Variants in TBL1XR1 observed in about 807,000 individuals in gnomAD.
TBL1XR1 encodes F-box-like/WD repeat-containing protein TBL1XR1.
In TBL1XR1, 5 loss-of-function variants were observed where a neutral mutation model predicts 66.9. The ratio of observed to expected loss-of-function variants is 0.07; its 90% CI spans 0.04 to 0.16. The LOEUF (loss-of-function observed/expected upper bound fraction) is 0.16, where lower values mean the gene tolerates loss of function less well. Ranked by LOEUF, TBL1XR1 falls within the 10% of genes least tolerant of loss-of-function variation. The pLI is 1.00. For missense variants in TBL1XR1, 238 were observed against 623.2 expected, an observed-to-expected ratio of 0.38 and a Z score of 6.58; for synonymous variants, 210 against 206.0, an observed-to-expected ratio of 1.02 and a Z score of -0.17.
Position 177,051,486 on chromosome 3 carries a change from ATTC to A in TBL1XR1, c.427+15_427+17del, listed in dbSNP as rs779373214. The A allele has an allele frequency of 4.5e-6, 7 of 1,560,722 alleles. No homozygotes were observed. The highest frequency in any genetic ancestry group is 4.3e-5 in the Admixed American group (2 of 46,040). ...AAATAAACCATGTAATTAAAAAAAA[ATTC>A]TTGTCTGAGCTCACTTGCTATAGTA... On this transcript the variant is annotated intron_variant, in intron 5 of 15. Coordinates refer to ENST00000457928, the MANE Select transcript of TBL1XR1 (RefSeq NM_024665.7).
At chr3:177,088,979 G>A (rs1324242656) in intron 2 of TBL1XR1, among the ~76,000 whole-genome samples, 1 of 152,156 alleles carries the variant, frequency 6.6e-6, no homozygotes, top group Non-Finnish European at 1.5e-5. Flanking sequence ...ACATTTATAA[G>A]TAGGTAATAA....
chr3:177,102,267 G>A (rs1401152601), intron 1 of TBL1XR1, among the ~76,000 whole-genome samples: 1 of 152,158 alleles, frequency 6.6e-6, no homozygotes, highest in East Asian at 1.9e-4. Flanking sequence ...AATAGTTGAT[G>A]ACATGGTTAA....
At chr3:177,053,390 T>C (rs1458633071) in intron 4 of TBL1XR1, among the ~76,000 whole-genome samples, 3 of 152,192 alleles carry the variant, frequency 2.0e-5, no homozygotes, top group South Asian at 2.1e-4. Context: ...AGTCCTTAGA[T>C]AGGCAGTACC....
At chr3:177,175,519 T>G (rs1181788483) in intron 1 of TBL1XR1, among the ~76,000 whole-genome samples, 2 of 152,184 alleles carry the variant, frequency 1.3e-5, no homozygotes, top group Non-Finnish European at 2.9e-5. Flanking sequence ...GAAAAACCAG[T>G]GCAGGCAGAG....
chr3:177,180,629 A>C (rs1218763511), intron 1 of TBL1XR1, among the ~76,000 whole-genome samples: 2 of 152,162 alleles, frequency 1.3e-5, no homozygotes, highest in Non-Finnish European at 2.9e-5. Context: ...TCAAAAACAA[A>C]TGCGTCATCC....
At chr3:177,136,483 T>G (rs1326795384) in intron 1 of TBL1XR1, among the ~76,000 whole-genome samples, 1 of 152,174 alleles carries the variant, frequency 6.6e-6, no homozygotes, top group Non-Finnish European at 1.5e-5. Context: ...TTTCACCACG[T>G]TGGCCAGACT....
chr3:177,156,429 G>A (rs1731511532), intron 1 of TBL1XR1, among the ~76,000 whole-genome samples: 1 of 151,162 alleles, frequency 6.6e-6, no homozygotes, highest in Non-Finnish European at 1.5e-5. Context: ...AACCCAGGAG[G>A]CAGAGGTTGC....
intron 1 of TBL1XR1, among the ~76,000 whole-genome samples, chr3:177,191,771 G>A (rs776731963): frequency 2.0e-5 from 3 of 152,184 alleles, no homozygotes; most frequent in Non-Finnish European, 4.4e-5. Context: ...GCAGACCCTA[G>A]GTTCTGCTGG....
At chr3:177,063,357 A>C (rs991897718) in intron 3 of TBL1XR1, among the ~76,000 whole-genome samples, 2 of 152,242 alleles carry the variant, frequency 1.3e-5, no homozygotes, top group African/African-American at 4.8e-5. Flanking sequence ...CAGTAATTTT[A>C]TATGGCTCAA....
At chr3:177,032,777 A>T (rs1300925016) in intron 14 of TBL1XR1, 194 bp downstream of exon 14, 6 of 428,626 alleles carry the variant, frequency 1.4e-5, no homozygotes, top group Non-Finnish European at 2.4e-5. Flanking sequence ...ATAATAAAAC[A>T]AATGATCAAA....
At chr3:177,188,876 C>CA in intron 1 of TBL1XR1, among the ~76,000 whole-genome samples, 1 of 152,284 alleles carries the variant, frequency 6.6e-6, no homozygotes, top group Middle Eastern at 3.4e-3. Context: ...TTGTTTGATT[C>CA]AAAATCATGC....
chr3:177,138,187 C>T (rs1219791576), intron 1 of TBL1XR1, among the ~76,000 whole-genome samples: 1 of 152,174 alleles, frequency 6.6e-6, no homozygotes, highest in African/African-American at 2.4e-5. Context: ...TTCATCAGGG[C>T]ACTGCATTAC....
intron 1 of TBL1XR1, among the ~76,000 whole-genome samples, chr3:177,116,589 T>C (rs1053422823): frequency 6.6e-6 from 1 of 152,166 alleles, no homozygotes. Flanking sequence ...AGATGCCTTA[T>C]CCAGCTTTGT....
At chr3:177,150,590 G>A (rs1445985838) in intron 1 of TBL1XR1, among the ~76,000 whole-genome samples, 1 of 152,148 alleles carries the variant, frequency 6.6e-6, no homozygotes, top group African/African-American at 2.4e-5. Context: ...TTCAGGTACT[G>A]TTTTTCCATG....
chr3:177,150,401 T>A (rs1403556957), intron 1 of TBL1XR1, among the ~76,000 whole-genome samples: 1 of 152,176 alleles, frequency 6.6e-6, no homozygotes, highest in African/African-American at 2.4e-5. Context: ...GCAGCTACTA[T>A]GAAATGCTCC....
chr3:177,189,470 T>C (rs1362549010), intron 1 of TBL1XR1, among the ~76,000 whole-genome samples: 1 of 151,600 alleles, frequency 6.6e-6, no homozygotes, highest in Non-Finnish European at 1.5e-5. Context: ...CTAGCCAACA[T>C]GGTGAAACCC....
At chr3:177,119,357 C>A (rs1389723384) in intron 1 of TBL1XR1, among the ~76,000 whole-genome samples, 1 of 152,144 alleles carries the variant, frequency 6.6e-6, no homozygotes, top group Non-Finnish European at 1.5e-5. Flanking sequence ...ATCCTGGAAC[C>A]TTTTCCACAA....
intron 1 of TBL1XR1, among the ~76,000 whole-genome samples, chr3:177,125,120 G>C (rs1727454729): frequency 1.3e-5 from 2 of 151,738 alleles, no homozygotes; most frequent in African/African-American, 4.8e-5. Context: ...ACAACATCAA[G>C]AAAGTGAAAA....
At position 177,021,511 on chromosome 3, in the gene TBL1XR1, G is replaced by C. The variant is rs539711185; in HGVS notation, c.*3987C>G. The C allele has an allele frequency of 1.3e-5, 2 of 152,580 alleles. No homozygotes were observed. Among genetic ancestry groups the C allele is most frequent in the East Asian group, 3.9e-4 (2 of 5,190 alleles). The allele number at this position is 152,580 out of a possible 1,614,324, so 9.5% of individuals were successfully genotyped here. A position where few individuals can be genotyped will look rare whatever the true frequency, so the allele number is the denominator to read the frequency against. The stretch of plus-strand genomic sequence containing the variant: ...TTCTAAATCAGTGTATTAAAAAAGT[G>C]AACACTTCCTCTTTCTTCTCTCTTC... On this transcript the variant is annotated 3_prime_UTR_variant, in exon 16 of 16. Transcript: ENST00000457928.
Sources: allele counts gnomAD v4.1 joint callset (sites outside exome capture counted in the v4.1 genomes callset), GRCh38; gene constraint gnomAD v4.1.1; transcripts MANE v1.5; gene names NCBI Gene and HGNC (gene_info 2026-07-23, HGNC 2026-07-21).